RIMS4: variants seen among roughly 807,000 people sequenced by gnomAD.
RIMS4 encodes regulating synaptic membrane exocytosis 4, also known as regulating synaptic membrane exocytosis protein 4.
A neutral mutation model predicts 29.0 loss-of-function variants in RIMS4; 9 were observed. The observed-to-expected ratio is 0.31, with a 90% confidence interval of 0.19 to 0.54. The LOEUF (loss-of-function observed/expected upper bound fraction) is 0.54, where lower values mean the gene tolerates loss of function less well. Among genes scored for constraint, RIMS4 ranks in the 20% least tolerant of loss-of-function variants. The pLI, the probability that RIMS4 is intolerant of heterozygous loss-of-function variation, is 0.94. For synonymous variants in RIMS4, 130 were observed against 152.9 expected (o/e 0.85, Z 1.10); for missense variants, 193 against 365.7 (o/e 0.53, Z 3.85).
intron 2 of RIMS4, among the ~76,000 whole-genome samples, chr20:44,759,289 G>T (rs1376322397): frequency 3.3e-5 from 5 of 151,742 alleles, no homozygotes; most frequent in African/African-American, 1.2e-4. Flanking sequence ...TCCCTCTGTT[G>T]CCCAGTCTGG....
intron 1 of RIMS4, among the ~76,000 whole-genome samples, chr20:44,777,748 C>T (rs549742137): frequency 6.6e-6 from 1 of 152,298 alleles, no homozygotes; most frequent in East Asian, 1.9e-4. Context: ...AGATGAAAAG[C>T]CTCAAGCCAA....
chr20:44,764,218 C>T, intron 2 of RIMS4, among the ~76,000 whole-genome samples: 2 of 151,520 alleles, frequency 1.3e-5, no homozygotes, highest in African/African-American at 4.9e-5. Context: ...ATCCACCCAT[C>T]CATCCATCCG....
At chr20:44,801,954 G>A (rs1199253145) in intron 1 of RIMS4, among the ~76,000 whole-genome samples, 1 of 152,090 alleles carries the variant, frequency 6.6e-6, no homozygotes, top group Non-Finnish European at 1.5e-5. Flanking sequence ...CTCAAGGTAG[G>A]GTCCCTGGAT....
Position 44,756,441 on chromosome 20 carries a change from A to G in RIMS4, c.592-89T>C, listed in dbSNP as rs1356364017. The G allele has an allele frequency of 1.8e-5, 19 of 1,046,854 alleles. No individual in the cohort carries two copies. The highest frequency in any genetic ancestry group is 2.7e-5 in the Non-Finnish European group (19 of 702,804). 64.8% of individuals were successfully genotyped at this position (1,046,854 alleles called of 1,614,324 possible). A position where few individuals can be genotyped will look rare whatever the true frequency, so the allele number is the denominator to read the frequency against. ...ACCTGGGTCGCCCCATGCCCAATCC[A>G]GCTCAGTCCTGTGATTTCTACCTCC... On this transcript the variant is annotated intron_variant, in intron 5 of 5. Transcript: ENST00000372851. The surrounding 1 kb of genome is among the most constrained non-coding windows in gnomAD (Gnocchi z 5.9).
intron 2 of RIMS4, among the ~76,000 whole-genome samples, chr20:44,770,985 T>C (rs1601025772): frequency 6.6e-6 from 1 of 152,234 alleles, no homozygotes; most frequent in Admixed American, 6.5e-5. Context: ...CTGATGCTGT[T>C]AATCCCATTT....
At position 44,809,695 on chromosome 20, in the gene RIMS4, G is replaced by A. The variant is rs376682051; in HGVS notation, c.97+480C>T. 3.3e-5 allele frequency among the ~76,000 whole-genome samples: 5 copies of A among 152,156 alleles called. No individual in the cohort carries two copies. In the South Asian group the frequency reaches 1.0e-3, roughly 32 times the overall value. On this transcript the variant is annotated intron_variant, in intron 1 of 5. Coordinates refer to ENST00000372851, the MANE Select transcript of RIMS4 (RefSeq NM_182970.4). ...AATGGGGGCGCTCAAGGCCTGGGGC[G>A]CCGGGCAGGGGTCTTGGGCAGGGAT...
intron 1 of RIMS4, among the ~76,000 whole-genome samples, chr20:44,792,884 C>T (rs1461096077): frequency 6.6e-6 from 1 of 152,100 alleles, no homozygotes; most frequent in Non-Finnish European, 1.5e-5. Flanking sequence ...GAAGAACTCC[C>T]GGACAGAGTG....
rs757631283 is a variant in RIMS4 at position 44,810,179 on chromosome 20, G to C, written c.93C>G (p.Asp31Glu). The change falls in exon 1 of 6, where the codon GAC (aspartate) becomes GAG (glutamate). Residue 31 changes from aspartate (D) to glutamate (E), a missense_variant. Physicochemically the swap from Asp to Glu is conservative, Grantham distance 45 (BLOSUM62 2). Coordinates refer to ENST00000372851, the MANE Select transcript of RIMS4 (RefSeq NM_182970.4). ...GGGGGCGGGCCGCGCGCTTACCTGC[G>C]TCCTCGTCGTCGAAGGAGTTCATGC... ...FPCMNSFDDE[D>E]AGDSRRLKGA... 6.3e-7 allele frequency: 1 copy of C among 1,585,860 alleles called. No individual in the cohort carries two copies. Among genetic ancestry groups the C allele is most frequent in the Admixed American group, 1.7e-5 (1 of 58,524 alleles).
At chr20:44,795,145 T>A (rs962496344) in intron 1 of RIMS4, among the ~76,000 whole-genome samples, 1 of 152,234 alleles carries the variant, frequency 6.6e-6, no homozygotes, top group Non-Finnish European at 1.5e-5. Flanking sequence ...TAACATTTAT[T>A]GAGCACTAAT....
chr20:44,787,697 GA>G (rs74852845), intron 1 of RIMS4, among the ~76,000 whole-genome samples: 1,968 of 123,498 alleles, frequency 0.016, 20 homozygotes, highest in African/African-American at 0.041. Context: ...TTTTCTCCAG[GA>G]AAAAAAAAAA....
chr20:44,758,870 A>G (rs1053877581), intron 2 of RIMS4, among the ~76,000 whole-genome samples: 1 of 152,226 alleles, frequency 6.6e-6, no homozygotes, highest in Non-Finnish European at 1.5e-5. Context: ...TGTAGCTACC[A>G]TCTGGATCCC....
chr20:44,756,784 TCCAGGCGAGGCCCTCCAGAGACA>T lies in RIMS4; in HGVS notation c.591+91_591+113del. 1 of 997,446 alleles carries T rather than the reference TCCAGGCGAGGCCCTCCAGAGACA, an allele frequency of 1.0e-6. No homozygotes were observed. The highest frequency in any genetic ancestry group is 1.4e-6 in the Non-Finnish European group (1 of 697,446). The allele number at this position is 997,446 out of a possible 1,614,324, so 61.8% of individuals were successfully genotyped here. On this transcript the variant is annotated intron_variant, in intron 5 of 5. Coordinates refer to ENST00000372851, the MANE Select transcript of RIMS4 (RefSeq NM_182970.4). The surrounding 1 kb of genome is among the most constrained non-coding windows in gnomAD (Gnocchi z 5.9). ...TGAACTGAGGGCCTCGCCTGTTTCC[TCCAGGCGAGGCCCTCCAGAGACA>T]CCCCCCGCCAGGGGTGCCCTCCTCT...
chr20:44,796,947 C>T (rs2066257739), intron 1 of RIMS4, among the ~76,000 whole-genome samples: 1 of 152,236 alleles, frequency 6.6e-6, no homozygotes, highest in Non-Finnish European at 1.5e-5. Flanking sequence ...GTGAGCAATG[C>T]TGTCATTCCT....
At chr20:44,793,171 C>T (rs2066240321) in intron 1 of RIMS4, among the ~76,000 whole-genome samples, 1 of 152,100 alleles carries the variant, frequency 6.6e-6, no homozygotes, top group Non-Finnish European at 1.5e-5. Context: ...CTGGGCTGTG[C>T]TCACTCTCAG....
chr20:44,782,119 C>T (rs1196166303), intron 1 of RIMS4, among the ~76,000 whole-genome samples: 2 of 152,166 alleles, frequency 1.3e-5, no homozygotes, highest in African/African-American at 4.8e-5. Flanking sequence ...AGTCTAAGTT[C>T]CCCTGCAAAA....
chr20:44,804,937 T>C (rs1025365952), intron 1 of RIMS4, among the ~76,000 whole-genome samples: 8 of 152,094 alleles, frequency 5.3e-5, no homozygotes, highest in Non-Finnish European at 1.0e-4. Context: ...ATCTGTACAA[T>C]GGGGTAAGGC....
At chr20:44,808,708 T>C (rs564579618) in intron 1 of RIMS4, among the ~76,000 whole-genome samples, 3 of 152,310 alleles carry the variant, frequency 2.0e-5, no homozygotes, top group Admixed American at 1.3e-4. Flanking sequence ...GACAGGTCTA[T>C]TGGGGATCTG....
In RIMS4 at chr20:44,757,790, GA is replaced by G. The variant is rs2066067223; in HGVS notation, c.350-20del. 1 of 1,595,808 alleles carries G rather than the reference GA, an allele frequency of 6.3e-7. No homozygotes were observed. On this transcript the variant is annotated intron_variant, in intron 3 of 5. Transcript: ENST00000372851. ...ACATCCCCTGGAAGAGGCACCAAGA[GA>G]TGAGACTGGGAAATGGTTCAGAAGC...
chr20:44,775,293 T>A (rs1422695734), intron 1 of RIMS4, among the ~76,000 whole-genome samples: 1 of 152,222 alleles, frequency 6.6e-6, no homozygotes, highest in East Asian at 1.9e-4. Flanking sequence ...ACCCCCTTTT[T>A]ACCACTTCTG....
Sources: gnomAD v4.1 joint callset for allele counts (sites outside exome capture counted in the v4.1 genomes callset) on GRCh38, gnomAD v4.1.1 for gene constraint, Gnocchi (gnomAD v3.1) non-coding constraint, MANE v1.5 for transcripts, NCBI Gene and HGNC (gene_info 2026-07-23, HGNC 2026-07-21) for gene names.